Variants in KAT2B observed in about 807,000 individuals in gnomAD.
The protein encoded by KAT2B is histone acetyltransferase KAT2B.
KAT2B carries 36 observed loss-of-function variants against 105.9 expected under a neutral mutation model. The observed-to-expected ratio is 0.34, with a 90% CI of 0.26 to 0.45. The LOEUF (loss-of-function observed/expected upper bound fraction) is 0.45. Among genes scored for constraint, KAT2B ranks in the 20% least tolerant of loss-of-function variants. The probability of loss-of-function intolerance (pLI) is 1.00; values close to 1 mark genes in which losing one functional copy is unlikely to be tolerated. For missense variants in KAT2B, 820 were observed against 1,021.6 expected (o/e 0.80, Z 2.69); for synonymous variants, 397 against 377.9 (o/e 1.05, Z -0.59).
At chr3:20,150,112 T>C (rs1490172930) in intron 17 of KAT2B, among the ~76,000 whole-genome samples, 1 of 152,216 alleles carries the variant, frequency 6.6e-6, no homozygotes, top group Non-Finnish European at 1.5e-5. Context: ...CCTGTATGCA[T>C]AGCTGAGTCT....
At chr3:20,048,636 A>G (rs1183754109) in intron 1 of KAT2B, among the ~76,000 whole-genome samples, 2 of 152,148 alleles carry the variant, frequency 1.3e-5, no homozygotes, top group Non-Finnish European at 2.9e-5. Context: ...TAGTGCCAAT[A>G]AAATTAGGAT....
intron 1 of KAT2B, among the ~76,000 whole-genome samples, chr3:20,062,275 TATATAAA>T (rs1236349194): frequency 0.079 from 5,586 of 70,766 alleles, 483 homozygotes; most frequent in Non-Finnish European, 0.11. Flanking sequence ...TAATATATAA[TATATAAA>T]ATATAATATA....
chr3:20,148,219 C>T, intron 15 of KAT2B, 24 bp from the exon 16 acceptor site: 2 of 1,601,414 alleles, frequency 1.2e-6, no homozygotes, highest in Non-Finnish European at 1.7e-6. Flanking sequence ...ATCATTGCTC[C>T]TTGTTTCCCT....
chr3:20,076,316 A>C (rs1453879632), intron 2 of KAT2B, among the ~76,000 whole-genome samples: 7 of 152,162 alleles, frequency 4.6e-5, no homozygotes, highest in Admixed American at 4.6e-4. Flanking sequence ...CGGGGGGTAT[A>C]GGTATTTAAA....
At chr3:20,098,337 G>A (rs1339790550) in intron 3 of KAT2B, among the ~76,000 whole-genome samples, 1 of 152,102 alleles carries the variant, frequency 6.6e-6, no homozygotes, top group African/African-American at 2.4e-5. Flanking sequence ...TGGCGCTGGA[G>A]TCTAACTACC....
At chr3:20,102,304 CA>C (rs1047353312) in intron 5 of KAT2B, among the ~76,000 whole-genome samples, 1 of 149,834 alleles carries the variant, frequency 6.7e-6, no homozygotes, top group Non-Finnish European at 1.5e-5. Context: ...GACTCTGTCT[CA>C]AAAAAAAAAT....
At chr3:20,081,139 A>C (rs542519013) in intron 2 of KAT2B, among the ~76,000 whole-genome samples, 2 of 152,320 alleles carry the variant, frequency 1.3e-5, no homozygotes, top group South Asian at 4.1e-4. Context: ...CTCGATGCCA[A>C]ATTCCCATGA....
At chr3:20,126,725 GGCA>G (rs1440875564) in intron 10 of KAT2B, among the ~76,000 whole-genome samples, 1 of 150,574 alleles carries the variant, frequency 6.6e-6, no homozygotes, top group Non-Finnish European at 1.5e-5. Context: ...GGGAGGCTGA[GGCA>G]GGAGAATTGC....
In KAT2B at chr3:20,153,919, C is replaced by T. The variant is rs1250405558; in HGVS notation, c.*1394C>T. The stretch of plus-strand genomic sequence containing the variant: ...GATAATCTGCATGAAGGAAAAAGAA[C>T]CCTGCAAATGGCTATTGAGTTGGAA... On this transcript the variant is annotated 3_prime_UTR_variant, in exon 18 of 18. Coordinates refer to ENST00000263754, the MANE Select transcript of KAT2B (RefSeq NM_003884.5). 2 of 152,340 alleles carry T rather than the reference C, an allele frequency of 1.3e-5. No individual in the cohort carries two copies. The highest frequency in any genetic ancestry group is 4.1e-4 in the South Asian group (2 of 4,834). The allele number at this position is 152,340 out of a possible 1,614,324, so 9.4% of individuals were successfully genotyped here.
At chr3:20,042,656 T>G (rs1001007422) in intron 1 of KAT2B, among the ~76,000 whole-genome samples, 2 of 152,208 alleles carry the variant, frequency 1.3e-5, no homozygotes, top group African/African-American at 4.8e-5. Context: ...ATTTTAAAAT[T>G]TATTTATTGG....
At chr3:20,049,938 C>T (rs773377889) in intron 1 of KAT2B, among the ~76,000 whole-genome samples, 1 of 152,104 alleles carries the variant, frequency 6.6e-6, no homozygotes, top group South Asian at 2.1e-4. Context: ...CGTGGCTCCC[C>T]CTTGTAATCC....
chr3:20,058,869 C>T (rs926709512), intron 1 of KAT2B, among the ~76,000 whole-genome samples: 2 of 152,174 alleles, frequency 1.3e-5, no homozygotes, highest in Non-Finnish European at 2.9e-5. Flanking sequence ...CTCTTCAAAT[C>T]TTGGCTACTC....
At chr3:20,053,698 A>C (rs1271122500) in intron 1 of KAT2B, among the ~76,000 whole-genome samples, 1 of 152,232 alleles carries the variant, frequency 6.6e-6, no homozygotes, top group Admixed American at 6.5e-5. Flanking sequence ...TCTTTAAACT[A>C]CTATTTATAT....
rs116699853 is a variant in KAT2B, at chr3:20,121,284, C to G, written c.1277-1384C>G. ...TTTTCAACTAGAGATAGTGAGAATGCTATGTGGAGAATGTTATATTGAGAT... is the reference window on the plus strand; with the variant it reads ...TTTTCAACTAGAGATAGTGAGAATGGTATGTGGAGAATGTTATATTGAGAT... On this transcript the variant is annotated intron_variant, in intron 8 of 17. Coordinates refer to ENST00000263754, the MANE Select transcript of KAT2B (RefSeq NM_003884.5). 4.4e-3 allele frequency among the ~76,000 whole-genome samples: 665 copies of G among 152,186 alleles called. 4 individuals carry two copies. The highest frequency in any genetic ancestry group is 0.016 in the African/African-American group (644 of 41,524).
chr3:20,055,823 C>A (rs1697994722), intron 1 of KAT2B, among the ~76,000 whole-genome samples: 1 of 152,208 alleles, frequency 6.6e-6, no homozygotes, highest in Non-Finnish European at 1.5e-5. Flanking sequence ...AAGTCTCTCT[C>A]CCTTGGAAGC....
chr3:20,049,571 G>A (rs773728961), intron 1 of KAT2B, among the ~76,000 whole-genome samples: 9 of 152,224 alleles, frequency 5.9e-5, no homozygotes, highest in Non-Finnish European at 8.8e-5. Flanking sequence ...AGAGGGGGTC[G>A]CTTTTCTTCC....
rs141568671 is a variant in KAT2B at position 20,114,787 on chromosome 3, A to G, written c.1044-95A>G. 1,047 of 667,960 alleles carry G rather than the reference A, an allele frequency of 1.6e-3. 2 individuals carry two copies. The highest frequency in any genetic ancestry group is 2.3e-3 in the Non-Finnish European group (885 of 378,736). 41.4% of individuals were successfully genotyped at this position (667,960 alleles called of 1,614,324 possible). A position where few individuals can be genotyped will look rare whatever the true frequency, so the allele number is the denominator to read the frequency against. On this transcript the variant is annotated intron_variant, in intron 6 of 17. Transcript: ENST00000263754. ...CATTATATTTCTGATTGAAGGTTTG[A>G]GACGCTGATGTTAAGGTGATTGTCA...
At chr3:20,152,256 C>G in intron 17 of KAT2B, 76 bp from the exon 18 acceptor site, 2 of 953,122 alleles carry the variant, frequency 2.1e-6, no homozygotes, top group Non-Finnish European at 3.2e-6. Context: ...AACATAGATT[C>G]CTTTCCCAGT....
At chr3:20,126,191 C>A in intron 10 of KAT2B, 78 bp downstream of exon 10, 1 of 1,196,884 alleles carries the variant, frequency 8.4e-7, no homozygotes, top group Non-Finnish European at 1.2e-6. Flanking sequence ...TGAAAGTCAG[C>A]CATAGTCATC....
Sources: gnomAD v4.1 joint callset for allele counts (sites outside exome capture counted in the v4.1 genomes callset) on GRCh38, gnomAD v4.1.1 for gene constraint, MANE v1.5 for transcripts, NCBI Gene and HGNC (gene_info 2026-07-23, HGNC 2026-07-21) for gene names.